Variants in NTRK3 observed in about 807,000 individuals in gnomAD.
NTRK3 encodes NT-3 growth factor receptor.
Under a neutral mutation model 91.7 loss-of-function variants are expected in NTRK3, and 24 were observed. The ratio of observed to expected loss-of-function variants is 0.26; its 90% CI spans 0.19 to 0.37. The LOEUF (loss-of-function observed/expected upper bound fraction) is 0.37, where lower values mean the gene tolerates loss of function less well. NTRK3 is among the 10% of genes least tolerant of loss of function. The pLI, the probability that NTRK3 is intolerant of heterozygous loss-of-function variation, is 1.00. For missense variants in NTRK3, 880 were observed against 1,068.9 expected (o/e 0.82, Z 2.46); for synonymous variants, 483 against 404.0 (o/e 1.20, Z -2.34).
chr15:88,003,224 T>C (rs1185498538), intron 14 of NTRK3, among the ~76,000 whole-genome samples: 1 of 152,220 alleles, frequency 6.6e-6, no homozygotes, highest in Non-Finnish European at 1.5e-5. Flanking sequence ...GACAATTATA[T>C]AGGAGATAAA....
chr15:87,936,940 G>A (rs1276924103), intron 15 of NTRK3, among the ~76,000 whole-genome samples: 1 of 152,024 alleles, frequency 6.6e-6, no homozygotes, highest in African/African-American at 2.4e-5. Context: ...ATAAGGTCTG[G>A]TCTCCCCATC....
At chr15:88,094,406 T>TTGCAGTGAGCCGAGATTGCGCCAC (rs2049360817) in intron 13 of NTRK3, among the ~76,000 whole-genome samples, 1 of 146,620 alleles carries the variant, frequency 6.8e-6, no homozygotes, top group Non-Finnish European at 1.5e-5. Flanking sequence ...GAAGCGGAGC[T>TTGCAGTGAGCCGAGATTGCGCCAC]TGCAGTGAGC....
chr15:88,192,619 G>C (rs2047501106), intron 3 of NTRK3, among the ~76,000 whole-genome samples: 1 of 152,096 alleles, frequency 6.6e-6, no homozygotes, highest in Admixed American at 6.5e-5. Flanking sequence ...AGACATCACT[G>C]GAAGCCACCC....
At chr15:88,066,276 G>T (rs1166701225) in intron 13 of NTRK3, among the ~76,000 whole-genome samples, 9 of 152,222 alleles carry the variant, frequency 5.9e-5, no homozygotes. Context: ...TTAAAGACAA[G>T]TTCCTCCTCC....
At chr15:87,921,600 C>G (rs1419753535) in intron 17 of NTRK3, among the ~76,000 whole-genome samples, 1 of 152,190 alleles carries the variant, frequency 6.6e-6, no homozygotes, top group Non-Finnish European at 1.5e-5. Context: ...TGCACTGTTT[C>G]AGGCTTCCAA....
intron 13 of NTRK3, among the ~76,000 whole-genome samples, chr15:88,055,201 C>A (rs1277957607): frequency 6.6e-6 from 1 of 152,172 alleles, no homozygotes; most frequent in Non-Finnish European, 1.5e-5. Flanking sequence ...TCTTTGCCAA[C>A]AGTCTCTCTT....
In NTRK3 at chr15:88,233,766, GCT is replaced by G. The variant is rs2051422703; in HGVS notation, c.248+22138_248+22139del. On this transcript the variant is annotated intron_variant, in intron 3 of 18. Transcript: ENST00000394480. This position sits in a 1 kb window ranked among gnomAD's most constrained non-coding sequence, Gnocchi z 4.2. ...CCTGCCCCCTTCCTCCCTACACCTTGCTCCTCCTCCCCTGACATCCAGTGCTC... is the reference window on the plus strand; with the variant it reads ...CCTGCCCCCTTCCTCCCTACACCTTGCCTCCTCCCCTGACATCCAGTGCTC... Among the ~76,000 whole-genome samples, 1 of 150,600 alleles carries G rather than the reference GCT, an allele frequency of 6.6e-6. No homozygotes were observed. The highest frequency in any genetic ancestry group is 1.5e-5 in the Non-Finnish European group (1 of 67,758).
chr15:87,928,599 T>G (rs1049470441), intron 17 of NTRK3: 1 of 162,640 alleles, frequency 6.1e-6, no homozygotes, highest in African/African-American at 2.4e-5. Context: ...TAACCTGTCC[T>G]CTCTCCAAAG....
chr15:88,120,341 G>A (rs564917648), intron 13 of NTRK3, among the ~76,000 whole-genome samples: 1 of 152,230 alleles, frequency 6.6e-6, no homozygotes, highest in African/African-American at 2.4e-5. Context: ...AATCAAATAG[G>A]CAACCACTTT....
At chr15:88,034,499 G>A (rs1185311437) in intron 13 of NTRK3, among the ~76,000 whole-genome samples, 1 of 152,222 alleles carries the variant, frequency 6.6e-6, no homozygotes, top group African/African-American at 2.4e-5. Context: ...AATTAGCTGT[G>A]ACTGTTTGTG....
At position 87,866,666 on chromosome 15, in the gene NTRK3, G is replaced by A. The variant is rs1037556189; in HGVS notation, c.*10269C>T. 2.6e-5 allele frequency: 5 copies of A among 190,058 alleles called. No individual in the cohort carries two copies. The East Asian group carries it at 4.2e-4, about 16-fold the overall frequency. 11.8% of individuals were successfully genotyped at this position (190,058 alleles called of 1,614,324 possible). A position where few individuals can be genotyped will look rare whatever the true frequency, so the allele number is the denominator to read the frequency against. On this transcript the variant is annotated 3_prime_UTR_variant, in exon 19 of 19. Transcript: ENST00000394480. ...TACATAATGATTTGGGGAATAGATG[G>A]TTTGGTCTTCCAGCTCCTTCAGCAA...
At chr15:88,085,163 T>C (rs140922050) in intron 13 of NTRK3, among the ~76,000 whole-genome samples, 206 of 152,300 alleles carry the variant, frequency 1.4e-3, no homozygotes, top group African/African-American at 4.8e-3. Flanking sequence ...CTTCCTACGT[T>C]GAGAAACAGG....
chr15:87,912,927 A>AT (rs2067180668), intron 17 of NTRK3, among the ~76,000 whole-genome samples: 1 of 96,228 alleles, frequency 1.0e-5, no homozygotes, highest in African/African-American at 3.1e-5. Context: ...AAAAAGTAAA[A>AT]AAAAATATAT....
intron 13 of NTRK3, among the ~76,000 whole-genome samples, chr15:88,114,217 T>C (rs1039540559): frequency 3.3e-5 from 5 of 152,206 alleles, no homozygotes; most frequent in Non-Finnish European, 7.3e-5. Flanking sequence ...ACAGCTCCCC[T>C]GTCCTCATGG....
intron 13 of NTRK3, among the ~76,000 whole-genome samples, chr15:88,068,360 G>T (rs1393599786): frequency 6.6e-6 from 1 of 152,158 alleles, no homozygotes; most frequent in Non-Finnish European, 1.5e-5. Flanking sequence ...GAACCCGGGA[G>T]GTGGAGGCTG....
chr15:88,006,121 G>A (rs940901947), intron 14 of NTRK3, among the ~76,000 whole-genome samples: 2 of 152,186 alleles, frequency 1.3e-5, no homozygotes, highest in African/African-American at 4.8e-5. Context: ...TAAGGAGAAA[G>A]TAAAAATGTT....
At chr15:88,097,284 G>T (rs987925075) in intron 13 of NTRK3, among the ~76,000 whole-genome samples, 3 of 152,202 alleles carry the variant, frequency 2.0e-5, no homozygotes, top group Non-Finnish European at 4.4e-5. Context: ...GAACAGTTGG[G>T]ATATTATTGC....
chr15:88,044,455 G>A (rs1326328113), intron 13 of NTRK3, among the ~76,000 whole-genome samples: 1 of 151,714 alleles, frequency 6.6e-6, no homozygotes, highest in Non-Finnish European at 1.5e-5. Context: ...TAGAGACAGG[G>A]TTTCACTGTG....
chr15:88,220,283 C>T (rs973168936), intron 3 of NTRK3, among the ~76,000 whole-genome samples: 8 of 152,114 alleles, frequency 5.3e-5, no homozygotes, highest in African/African-American at 1.7e-4. Flanking sequence ...GGCAGGGGTC[C>T]TACTGTAGGC....
Sources: gnomAD v4.1 joint callset for allele counts (sites outside exome capture counted in the v4.1 genomes callset) on GRCh38, gnomAD v4.1.1 for gene constraint, Gnocchi (gnomAD v3.1) non-coding constraint, MANE v1.5 for transcripts, NCBI Gene and HGNC (gene_info 2026-07-23, HGNC 2026-07-21) for gene names.